GPR39: variants seen among roughly 807,000 people sequenced by gnomAD.
GPR39 encodes zinc sensing receptor.
In GPR39, 23 loss-of-function variants were observed where a neutral mutation model predicts 18.4. The observed-to-expected ratio is 1.25, with a 90% CI of 0.90 to 1.77. GPR39 has a LOEUF of 1.77. Ranked by LOEUF, GPR39 falls within the 40% of genes most tolerant of loss-of-function variation. The probability of loss-of-function intolerance (pLI) is 0.00; values close to 1 mark genes in which losing one functional copy is unlikely to be tolerated. For synonymous variants in GPR39, 280 were observed against 257.9 expected (o/e 1.09, Z -0.82); for missense variants, 647 against 602.4 (o/e 1.07, Z -0.78).
intron 1 of GPR39, 155 bp from the exon 2 acceptor site, chr2:132,644,946 A>G (rs1424262263): frequency 1.3e-6 from 1 of 781,504 alleles, no homozygotes; most frequent in African/African-American, 1.7e-5. Flanking sequence ...GTGGCAAAAG[A>G]AGCTGTCAAG....
At chr2:132,448,796 G>T (rs1204444066) in intron 1 of GPR39, among the ~76,000 whole-genome samples, 1 of 152,152 alleles carries the variant, frequency 6.6e-6, no homozygotes, top group Non-Finnish European at 1.5e-5. Flanking sequence ...TAAGTATACT[G>T]TAAGAATCAT....
intron 1 of GPR39, among the ~76,000 whole-genome samples, chr2:132,501,054 G>GTTTTTTTTTTTTTTTTTTTTTTTT (rs55720929): frequency 3.3e-5 from 3 of 90,328 alleles, no homozygotes; most frequent in East Asian, 4.2e-4. Context: ...TATCTTTTGT[G>GTTTTTTTTTTTTTTTTTTTTTTTT]TTTTTTTTTT....
intron 1 of GPR39, among the ~76,000 whole-genome samples, chr2:132,641,136 A>T (rs746496919): frequency 1.4e-4 from 22 of 152,236 alleles, no homozygotes; most frequent in African/African-American, 4.8e-4. Flanking sequence ...AGTTGGCATG[A>T]TCTGCATTAT....
chr2:132,507,693 T>C (rs1679160469), intron 1 of GPR39, among the ~76,000 whole-genome samples: 1 of 152,202 alleles, frequency 6.6e-6, no homozygotes, highest in Non-Finnish European at 1.5e-5. Context: ...AGACCGCCCA[T>C]ACCTCTGACA....
At position 132,645,788 on chromosome 2, in the gene GPR39, C is replaced by T. The variant is rs1403939400; in HGVS notation, c.*182C>T. On this transcript the variant is annotated 3_prime_UTR_variant, in exon 2 of 2. Coordinates refer to ENST00000329321, the MANE Select transcript of GPR39 (RefSeq NM_001508.3). ...TGACTCTGCCAGCCTGGCCTTGACT[C>T]CGGTTACACAGACATGGGGGTGAAC... 2.4e-6 allele frequency: 2 copies of T among 848,758 alleles called. No homozygotes were observed. Among genetic ancestry groups the T allele is most frequent in the East Asian group, 2.7e-5 (1 of 37,250 alleles). 52.6% of individuals were successfully genotyped at this position (848,758 alleles called of 1,614,324 possible). A position where few individuals can be genotyped will look rare whatever the true frequency, so the allele number is the denominator to read the frequency against.
chr2:132,575,027 T>C (rs1446282364), intron 1 of GPR39, among the ~76,000 whole-genome samples: 1 of 152,178 alleles, frequency 6.6e-6, no homozygotes, highest in Non-Finnish European at 1.5e-5. Flanking sequence ...TATCTACAAA[T>C]TTCTACATTT....
intron 1 of GPR39, among the ~76,000 whole-genome samples, chr2:132,621,792 G>T (rs1172697820): frequency 2.6e-5 from 4 of 152,130 alleles, no homozygotes; most frequent in Admixed American, 1.3e-4. Flanking sequence ...TTATTGCAGG[G>T]CGTGAATTTA....
rs1682033687 is a variant in GPR39 at position 132,645,747 on chromosome 2, A to G, written c.*141A>G. The stretch of plus-strand genomic sequence containing the variant: ...TTTACAAAAGGCAGATGCCCACCTC[A>G]GTGACTTCTAAGGACTGACTCTGCC... On this transcript the variant is annotated 3_prime_UTR_variant, in exon 2 of 2. Transcript: ENST00000329321. 8.3e-7 allele frequency: 1 copy of G among 1,202,598 alleles called. No individual in the cohort carries two copies. The highest frequency in any genetic ancestry group is 1.6e-5 in the South Asian group (1 of 63,574). The allele number at this position is 1,202,598 out of a possible 1,614,324, so 74.5% of individuals were successfully genotyped here. A position where few individuals can be genotyped will look rare whatever the true frequency, so the allele number is the denominator to read the frequency against.
intron 1 of GPR39, among the ~76,000 whole-genome samples, chr2:132,480,061 G>A (rs1230610412): frequency 6.6e-6 from 1 of 152,078 alleles, no homozygotes; most frequent in East Asian, 1.9e-4. Context: ...TACGTGTAGT[G>A]GAATATTATT....
At chr2:132,637,058 C>T (rs968246864) in intron 1 of GPR39, among the ~76,000 whole-genome samples, 5 of 149,826 alleles carry the variant, frequency 3.3e-5, no homozygotes, top group African/African-American at 9.9e-5. Context: ...TAGAAAGCCA[C>T]ACAGCTACTT....
chr2:132,477,063 C>T (rs1197982832), intron 1 of GPR39, among the ~76,000 whole-genome samples: 2 of 152,186 alleles, frequency 1.3e-5, no homozygotes, highest in Non-Finnish European at 2.9e-5. Context: ...ACTAACCATC[C>T]ATGATTCTCG....
intron 1 of GPR39, among the ~76,000 whole-genome samples, chr2:132,576,102 A>C (rs1455611070): frequency 6.6e-6 from 1 of 152,176 alleles, no homozygotes; most frequent in Non-Finnish European, 1.5e-5. Context: ...TGGCATTTTT[A>C]ACAGCGGTCT....
chr2:132,465,482 A>G (rs1436942503), intron 1 of GPR39, among the ~76,000 whole-genome samples: 1 of 152,186 alleles, frequency 6.6e-6, no homozygotes, highest in East Asian at 1.9e-4. Context: ...GTGCATTGGC[A>G]CTGTTGTACA....
chr2:132,554,168 A>C (rs1680104458), intron 1 of GPR39, among the ~76,000 whole-genome samples: 2 of 152,166 alleles, frequency 1.3e-5, no homozygotes, highest in Non-Finnish European at 1.5e-5. Flanking sequence ...AGACATGGAA[A>C]ACTGGGAGCC....
chr2:132,436,521 T>TTAA (rs1409202879), intron 1 of GPR39, among the ~76,000 whole-genome samples: 1 of 152,150 alleles, frequency 6.6e-6, no homozygotes, highest in Non-Finnish European at 1.5e-5. Flanking sequence ...TTTGGCCATT[T>TTAA]TAATAATAAT....
At chr2:132,640,897 T>A (rs1681845406) in intron 1 of GPR39, among the ~76,000 whole-genome samples, 1 of 152,182 alleles carries the variant, frequency 6.6e-6, no homozygotes, top group African/African-American at 2.4e-5. Context: ...CATTATAAAA[T>A]GACAAATTTT....
chr2:132,472,134 C>T (rs1681043629), intron 1 of GPR39, among the ~76,000 whole-genome samples: 1 of 152,188 alleles, frequency 6.6e-6, no homozygotes, highest in South Asian at 2.1e-4. Flanking sequence ...GGTCCATGCA[C>T]AGCCTCCATT....
At chr2:132,612,207 A>G (rs567005616) in intron 1 of GPR39, among the ~76,000 whole-genome samples, 1 of 152,250 alleles carries the variant, frequency 6.6e-6, no homozygotes, top group East Asian at 1.9e-4. Flanking sequence ...CCTTTGTAGA[A>G]TCAAATTGAA....
chr2:132,493,312 CAT>C (rs1337660037), intron 1 of GPR39, among the ~76,000 whole-genome samples: 10 of 142,448 alleles, frequency 7.0e-5, no homozygotes, highest in East Asian at 4.1e-4. Context: ...ATATATATAC[CAT>C]ATATATACAC....
Sources: gnomAD v4.1 joint callset for allele counts (sites outside exome capture counted in the v4.1 genomes callset) on GRCh38, gnomAD v4.1.1 for gene constraint, MANE v1.5 for transcripts, NCBI Gene and HGNC (gene_info 2026-07-23, HGNC 2026-07-21) for gene names.